Variants in DUSP22 observed in about 807,000 individuals in gnomAD.
DUSP22 encodes the protein dual specificity phosphatase 22, also known as dual specificity protein phosphatase 22.
Under a neutral mutation model 24.5 loss-of-function variants are expected in DUSP22, and 24 were observed. The observed-to-expected ratio is 0.98, with a 90% CI of 0.71 to 1.38. DUSP22 has a LOEUF of 1.38. Among genes scored for constraint, DUSP22 ranks in the 40% most tolerant of loss-of-function variants. DUSP22 has a pLI of 0.00. For missense variants in DUSP22, 330 were observed against 269.2 expected, an observed-to-expected ratio of 1.23 and a Z score of -1.58; for synonymous variants, 160 against 106.4, an observed-to-expected ratio of 1.50 and a Z score of -3.10.
chr6:321,443 G>T (rs1480011194), intron 3 of DUSP22, among the ~76,000 whole-genome samples: 2 of 152,300 alleles, frequency 1.3e-5, no homozygotes, highest in East Asian at 1.9e-4. Context: ...GAGGGAGTTG[G>T]GTACCCCAGA....
chr6:305,142 A>G (rs1182829912), intron 2 of DUSP22, among the ~76,000 whole-genome samples: 1 of 152,308 alleles, frequency 6.6e-6, no homozygotes, highest in Non-Finnish European at 1.5e-5. Flanking sequence ...ACTTTTTAAA[A>G]GATCAGCTTT....
chr6:338,531 CA>C (rs1364968329), intron 4 of DUSP22, among the ~76,000 whole-genome samples: 3 of 152,302 alleles, frequency 2.0e-5, no homozygotes, highest in African/African-American at 4.8e-5. Context: ...TGAGGATGGT[CA>C]GACGACAAAT....
intron 3 of DUSP22, among the ~76,000 whole-genome samples, chr6:332,116 C>T (rs910457307): frequency 6.6e-6 from 1 of 152,306 alleles, no homozygotes; most frequent in Admixed American, 6.5e-5. Context: ...CATCACTCTG[C>T]AGACATTTCA....
At chr6:298,113 C>G (rs997345219) in intron 1 of DUSP22, among the ~76,000 whole-genome samples, 1 of 152,304 alleles carries the variant, frequency 6.6e-6, no homozygotes, top group Non-Finnish European at 1.5e-5. Flanking sequence ...CTCTACACCA[C>G]CCCCCGAGGG....
At chr6:328,144 A>C (rs879651624) in intron 3 of DUSP22, among the ~76,000 whole-genome samples, 14 of 152,292 alleles carry the variant, frequency 9.2e-5, no homozygotes, top group Non-Finnish European at 1.8e-4. Context: ...GTTTTTTGAG[A>C]TGGGTTGTTC....
rs1470332536 is a variant in DUSP22 at position 297,687 on chromosome 6, G to T, written c.21+5127G>T. 2.6e-5 allele frequency among the ~76,000 whole-genome samples: 4 copies of T among 152,420 alleles called. No individual in the cohort carries two copies. The South Asian group carries it at 6.2e-4, about 24-fold the overall frequency. ...TCATCCCCAGTTGAGAACCACTATT[G>T]AGGGTTCTTCCTCTCAGAATTTCCT... is the stretch of plus-strand genomic sequence containing the variant. On this transcript the variant is annotated intron_variant, in intron 1 of 6. Coordinates refer to ENST00000419235, the MANE Select transcript of DUSP22 (RefSeq NM_001286555.3).
intron 1 of DUSP22, among the ~76,000 whole-genome samples, chr6:295,365 G>A (rs1192804310): frequency 5.3e-5 from 8 of 152,278 alleles, no homozygotes; most frequent in Non-Finnish European, 8.8e-5. Flanking sequence ...TTGTCGGTCC[G>A]TTCCGGGCTC....
intron 4 of DUSP22, chr6:337,997 C>A (rs1204948421): frequency 6.6e-6 from 1 of 152,480 alleles, no homozygotes; most frequent in East Asian, 1.9e-4. Flanking sequence ...GGAGGATGCG[C>A]CGTGCTGCAC....
rs1251543119 is a variant in DUSP22 at position 349,740 on chromosome 6, G to T, written c.*789G>T. 8.1e-6 allele frequency: 8 copies of T among 985,976 alleles called. No individual in the cohort carries two copies. The highest frequency in any genetic ancestry group is 8.4e-6 in the Non-Finnish European group (7 of 830,388). 61.1% of individuals were successfully genotyped at this position (985,976 alleles called of 1,614,324 possible). Reference sequence around the variant, plus strand: ...TCAATGTGAATGCACCAGGCTGAGGGTTCCCTAGCGCCTTGAGTCAAGGCC... The same window carrying T: ...TCAATGTGAATGCACCAGGCTGAGGTTTCCCTAGCGCCTTGAGTCAAGGCC... On this transcript the variant is annotated 3_prime_UTR_variant, in exon 7 of 7. Transcript: ENST00000419235.
At chr6:341,174 C>T (rs575063289) in intron 4 of DUSP22, among the ~76,000 whole-genome samples, 53 of 152,402 alleles carry the variant, frequency 3.5e-4, no homozygotes, top group East Asian at 9.6e-4. Context: ...GAGTTTCTAA[C>T]GCAAGCGTGG....
At chr6:292,773 C>T (rs1194661385) in intron 1 of DUSP22, among the ~76,000 whole-genome samples, 2 of 152,278 alleles carry the variant, frequency 1.3e-5, no homozygotes, top group East Asian at 1.9e-4. Flanking sequence ...GGTAGGCAGC[C>T]CCCAGCCGCC....
intron 3 of DUSP22, among the ~76,000 whole-genome samples, chr6:312,351 A>G (rs796560471): frequency 7.7e-4 from 117 of 152,358 alleles, no homozygotes; most frequent in African/African-American, 2.6e-3. Flanking sequence ...TTAAACTCAA[A>G]TAGCTACCAC....
intron 2 of DUSP22, among the ~76,000 whole-genome samples, chr6:307,848 G>T (rs1757882177): frequency 6.6e-6 from 1 of 152,306 alleles, no homozygotes; most frequent in Non-Finnish European, 1.5e-5. Flanking sequence ...GTCCTGGTGG[G>T]TACCCAGTTG....
intron 1 of DUSP22, among the ~76,000 whole-genome samples, 185 bp from the exon 2 acceptor site, chr6:304,443 G>A (rs1190312800): frequency 6.6e-6 from 1 of 152,312 alleles, no homozygotes; most frequent in Non-Finnish European, 1.5e-5. Context: ...GAGTCGATGG[G>A]CACCAACCCA....
chr6:315,720 C>G (rs925717134), intron 3 of DUSP22, among the ~76,000 whole-genome samples: 1 of 152,310 alleles, frequency 6.6e-6, no homozygotes, highest in Non-Finnish European at 1.5e-5. Context: ...CACATCCCGT[C>G]CCTTTCCAGA....
chr6:305,947 A>G (rs1415084579), intron 2 of DUSP22, among the ~76,000 whole-genome samples: 1 of 152,420 alleles, frequency 6.6e-6, no homozygotes, highest in East Asian at 1.9e-4. Flanking sequence ...GTTGCTCTAT[A>G]ATGTCTGTTT....
In DUSP22 at chr6:350,002, T is replaced by G; in HGVS notation, c.*1051T>G. 1.0e-6 allele frequency: 1 copy of G among 985,770 alleles called. No homozygotes were observed. Among genetic ancestry groups the G allele is most frequent in the South Asian group, 4.7e-5 (1 of 21,302 alleles). The allele number at this position is 985,770 out of a possible 1,614,324, so 61.1% of individuals were successfully genotyped here. On this transcript the variant is annotated 3_prime_UTR_variant, in exon 7 of 7. Transcript: ENST00000419235. The stretch of plus-strand genomic sequence containing the variant: ...AAGAATTGGGAAGAAAGAGCATTTA[T>G]TAGGCACTGTAGCAATTTGCATTTT...
intron 3 of DUSP22, among the ~76,000 whole-genome samples, chr6:323,038 G>T (rs1362766290): frequency 3.3e-5 from 5 of 152,296 alleles, no homozygotes; most frequent in Non-Finnish European, 7.3e-5. Flanking sequence ...TGCCTGCTAG[G>T]CAATGCAGGT....
chr6:350,309 TG>T lies in DUSP22; in HGVS notation c.*1359del. The T allele has an allele frequency of 1.0e-6, 1 of 999,492 alleles. No homozygotes were observed. The highest frequency in any genetic ancestry group is 1.2e-6 in the Non-Finnish European group (1 of 838,852). The allele number at this position is 999,492 out of a possible 1,614,324, so 61.9% of individuals were successfully genotyped here. A position where few individuals can be genotyped will look rare whatever the true frequency, so the allele number is the denominator to read the frequency against. On this transcript the variant is annotated 3_prime_UTR_variant, in exon 7 of 7. Transcript: ENST00000419235. ...GCATCTACAGTTTGTACTCTGGGGC[TG>T]CAGGCATCCTGGGACGCTGTACGCA... is the stretch of plus-strand genomic sequence containing the variant.
Sources: allele counts gnomAD v4.1 joint callset (sites outside exome capture counted in the v4.1 genomes callset), GRCh38; gene constraint gnomAD v4.1.1; transcripts MANE v1.5; gene names NCBI Gene and HGNC (gene_info 2026-07-23, HGNC 2026-07-21).